Variants in KCNQ5 observed in about 807,000 individuals in gnomAD.
The protein encoded by KCNQ5 is potassium voltage-gated channel subfamily Q member 5, also known as potassium voltage-gated channel subfamily KQT member 5.
In KCNQ5, 30 loss-of-function variants were observed where a neutral mutation model predicts 98.2. The observed-to-expected ratio is 0.31, with a 90% CI of 0.23 to 0.41. The LOEUF (loss-of-function observed/expected upper bound fraction) is 0.41. Among genes scored for constraint, KCNQ5 ranks in the 10% least tolerant of loss-of-function variants. The pLI is 1.00. For synonymous variants in KCNQ5, 458 were observed against 449.4 expected (o/e 1.02, Z -0.24); for missense variants, 835 against 1,182.5 (o/e 0.71, Z 4.31).
intron 1 of KCNQ5, among the ~76,000 whole-genome samples, chr6:72,680,640 G>A (rs967508105): frequency 5.9e-5 from 9 of 152,060 alleles, no homozygotes; most frequent in Non-Finnish European, 8.8e-5. Flanking sequence ...TTTTTTACTC[G>A]TTAAAATGCT....
chr6:72,922,337 A>G (rs1291146790), intron 1 of KCNQ5, among the ~76,000 whole-genome samples: 1 of 152,196 alleles, frequency 6.6e-6, no homozygotes, highest in Non-Finnish European at 1.5e-5. Context: ...TTACAACATG[A>G]TTTTTAATAT....
intron 11 of KCNQ5, among the ~76,000 whole-genome samples, chr6:73,190,236 G>T (rs77775270): frequency 0.033 from 5,013 of 152,210 alleles, 100 homozygotes; most frequent in East Asian, 0.069. Flanking sequence ...ACTAGATGTT[G>T]TATCTTGGAC....
chr6:72,802,245 G>C (rs974294061), intron 1 of KCNQ5, among the ~76,000 whole-genome samples: 2 of 151,772 alleles, frequency 1.3e-5, no homozygotes, highest in East Asian at 3.9e-4. Flanking sequence ...TCCATTCTCC[G>C]CATCACTTTC....
rs572089486 is a variant in KCNQ5, at chr6:73,045,021, A to G, written c.616+2959A>G. On this transcript the variant is annotated intron_variant, in intron 3 of 13. Coordinates refer to ENST00000370398, the MANE Select transcript of KCNQ5 (RefSeq NM_019842.4). ...TTTCTTTCCAGTTGGAAATACACTGAAGCTGCTAGAGTGGTCAGCTAACAA... is the reference window on the plus strand; with the variant it reads ...TTTCTTTCCAGTTGGAAATACACTGGAGCTGCTAGAGTGGTCAGCTAACAA... Among the ~76,000 whole-genome samples the G allele has an allele frequency of 1.2e-4, 18 of 152,326 alleles. No individual in the cohort carries two copies. In the South Asian group the frequency reaches 2.3e-3, roughly 19 times the overall value.
intron 3 of KCNQ5, among the ~76,000 whole-genome samples, chr6:73,070,795 G>A (rs1003990608): frequency 5.9e-5 from 9 of 152,100 alleles, no homozygotes; most frequent in South Asian, 4.1e-4. Flanking sequence ...AAGGGGTCCC[G>A]GGAAATGAGA....
intron 1 of KCNQ5, among the ~76,000 whole-genome samples, chr6:72,772,591 CTAA>C (rs1772953842): frequency 6.6e-6 from 1 of 152,094 alleles, no homozygotes; most frequent in South Asian, 2.1e-4. Flanking sequence ...TGGGGTTGTT[CTAA>C]TGAGAGAATG....
intron 1 of KCNQ5, among the ~76,000 whole-genome samples, chr6:72,876,674 T>A (rs1372452480): frequency 6.6e-6 from 1 of 152,244 alleles, no homozygotes; most frequent in Non-Finnish European, 1.5e-5. Flanking sequence ...CACTTGGATT[T>A]CATACAAAAG....
chr6:72,935,807 C>T (rs1241067582), intron 1 of KCNQ5, among the ~76,000 whole-genome samples: 1 of 152,156 alleles, frequency 6.6e-6, no homozygotes, highest in Non-Finnish European at 1.5e-5. Context: ...TCAAAATCCT[C>T]ACTGTACCAA....
chr6:72,640,537 G>T (rs1294355435), intron 1 of KCNQ5, among the ~76,000 whole-genome samples: 3 of 152,122 alleles, frequency 2.0e-5, no homozygotes. Flanking sequence ...ATTTCCTGTT[G>T]TGTGTACAAG....
At position 72,838,926 on chromosome 6, in the gene KCNQ5, G is replaced by A. The variant is rs1276680451; in HGVS notation, c.399-164982G>A. ...GATCCCGCCACTGCACTCCAGCCTGGGCGACAGAGCGAGACTCCGTCTCAA... is the reference window on the plus strand; with the variant it reads ...GATCCCGCCACTGCACTCCAGCCTGAGCGACAGAGCGAGACTCCGTCTCAA... On this transcript the variant is annotated intron_variant, in intron 1 of 13. Transcript: ENST00000370398. Among the ~76,000 whole-genome samples the A allele has an allele frequency of 5.3e-5, 7 of 131,486 alleles. No individual in the cohort carries two copies. The Admixed American group carries it at 5.6e-4, about 11-fold the overall frequency. 86.3% of individuals were successfully genotyped at this position (131,486 alleles called of 152,430 possible). A position where few individuals can be genotyped will look rare whatever the true frequency, so the allele number is the denominator to read the frequency against.
At chr6:73,022,496 C>G (rs1384126586) in intron 2 of KCNQ5, among the ~76,000 whole-genome samples, 1 of 152,038 alleles carries the variant, frequency 6.6e-6, no homozygotes, top group African/African-American at 2.4e-5. Context: ...ATAGTCCTAG[C>G]TACTCAGAAG....
At chr6:72,917,457 T>G (rs1780198700) in intron 1 of KCNQ5, among the ~76,000 whole-genome samples, 2 of 108,404 alleles carry the variant, frequency 1.8e-5, no homozygotes, top group Admixed American at 1.0e-4. Flanking sequence ...ATTTTTATTT[T>G]TATTTTATTT....
chr6:73,159,824 C>A (rs1777537860), intron 10 of KCNQ5, among the ~76,000 whole-genome samples: 1 of 152,176 alleles, frequency 6.6e-6, no homozygotes. Flanking sequence ...TGGAATTCTT[C>A]CCTAATGAAG....
rs749801254 is a variant in KCNQ5, at chr6:73,198,675, G to A, written c.*3261G>A. ...GAGAAACTTAATCTAATCTAATAAT[G>A]TGCATTTAAGTAAGCAGTTCTAAGT... On this transcript the variant is annotated 3_prime_UTR_variant, in exon 14 of 14. Transcript: ENST00000370398. The A allele has an allele frequency of 2.6e-5, 4 of 152,186 alleles. No individual in the cohort carries two copies. The highest frequency in any genetic ancestry group is 5.9e-5 in the Non-Finnish European group (4 of 68,030). 9.4% of individuals were successfully genotyped at this position (152,186 alleles called of 1,614,324 possible).
chr6:72,778,643 T>C (rs931178060), intron 1 of KCNQ5, among the ~76,000 whole-genome samples: 8 of 152,192 alleles, frequency 5.3e-5, no homozygotes, highest in African/African-American at 1.7e-4. Flanking sequence ...ATGATAGATA[T>C]GTTAATTAGC....
At chr6:72,825,138 A>AC (rs1451236885) in intron 1 of KCNQ5, among the ~76,000 whole-genome samples, 1 of 152,006 alleles carries the variant, frequency 6.6e-6, no homozygotes, top group East Asian at 1.9e-4. Context: ...AAACAAAACA[A>AC]AACAACAACA....
At chr6:72,652,229 T>C (rs1343894793) in intron 1 of KCNQ5, among the ~76,000 whole-genome samples, 1 of 145,736 alleles carries the variant, frequency 6.9e-6, no homozygotes, top group Non-Finnish European at 1.5e-5. Flanking sequence ...TAAAAGTGCT[T>C]GAGGCAGAAG....
chr6:72,963,222 C>T (rs564073559), intron 1 of KCNQ5, among the ~76,000 whole-genome samples: 1 of 152,264 alleles, frequency 6.6e-6, no homozygotes, highest in South Asian at 2.1e-4. Context: ...TAAATGGCTC[C>T]TTAGCTTTGC....
At position 73,007,541 on chromosome 6, in the gene KCNQ5, T is replaced by C. The variant is rs189823793; in HGVS notation, c.489+3543T>C. On this transcript the variant is annotated intron_variant, in intron 2 of 13. Transcript: ENST00000370398. ...ATGGAACTCTGGAATCTATTGAATG[T>C]TTGCAACTTACAGAGGAAGGCTTAG... is the stretch of plus-strand genomic sequence containing the variant. Among the ~76,000 whole-genome samples the C allele has an allele frequency of 2.0e-5, 3 of 152,304 alleles. No homozygotes were observed. In the East Asian group the frequency reaches 5.8e-4, roughly 29 times the overall value.
Sources: gnomAD v4.1 joint callset for allele counts (sites outside exome capture counted in the v4.1 genomes callset) on GRCh38, gnomAD v4.1.1 for gene constraint, MANE v1.5 for transcripts, NCBI Gene and HGNC (gene_info 2026-07-23, HGNC 2026-07-21) for gene names.